SHQ1: variants seen among roughly 807,000 people sequenced by gnomAD.
SHQ1 encodes SHQ1, H/ACA ribonucleoprotein assembly factor, also known as protein SHQ1 homolog.
In SHQ1, 49 loss-of-function variants were observed where a neutral mutation model predicts 53.8. The observed-to-expected ratio is 0.91, with a 90% CI of 0.72 to 1.16. SHQ1 has a LOEUF of 1.16. Ranked by LOEUF, SHQ1 falls within the 50% of genes most tolerant of loss-of-function variation. The probability of loss-of-function intolerance (pLI) is 0.00; values close to 1 mark genes in which losing one functional copy is unlikely to be tolerated. For missense variants in SHQ1, 738 were observed against 683.1 expected, an observed-to-expected ratio of 1.08 and a Z score of -0.90; for synonymous variants, 243 against 251.0, an observed-to-expected ratio of 0.97 and a Z score of 0.30.
chr3:72,809,586 A>G (rs186946582), intron 9 of SHQ1: 1 of 152,324 alleles, frequency 6.6e-6, no homozygotes, highest in East Asian at 1.9e-4. Context: ...AATAAGATGT[A>G]GACAATACAC....
the SHQ1 span, among the ~76,000 whole-genome samples, chr3:72,726,120 T>C: frequency 6.6e-6 from 1 of 152,122 alleles, no homozygotes; most frequent in Non-Finnish European, 1.5e-5. Flanking sequence ...AGAAATGTAG[T>C]ACTATTATCA....
At chr3:72,755,302 A>G (rs187167612) in intron 10 of SHQ1, among the ~76,000 whole-genome samples, 305 of 150,214 alleles carry the variant, frequency 2.0e-3, no homozygotes, top group African/African-American at 7.4e-3. Context: ...ATGGATGGAT[A>G]GATGGATGGA....
At chr3:72,730,352 T>G in the SHQ1 span, among the ~76,000 whole-genome samples, 1 of 152,018 alleles carries the variant, frequency 6.6e-6, no homozygotes, top group African/African-American at 2.4e-5. Context: ...TGGCCTCAAG[T>G]GATCCCCTGC....
chr3:72,727,737 C>G, the SHQ1 span, among the ~76,000 whole-genome samples: 1 of 152,136 alleles, frequency 6.6e-6, no homozygotes, highest in African/African-American at 2.4e-5. Context: ...ATCTCTTGAG[C>G]CTGTTGAATC....
chr3:72,829,771 T>C (rs1039578475), intron 5 of SHQ1, among the ~76,000 whole-genome samples: 1 of 152,216 alleles, frequency 6.6e-6, no homozygotes, highest in Non-Finnish European at 1.5e-5. Context: ...CCTTTTCTTA[T>C]CTCACAGATG....
At chr3:72,816,727 T>A (rs935155016) in intron 7 of SHQ1, among the ~76,000 whole-genome samples, 2 of 152,206 alleles carry the variant, frequency 1.3e-5, no homozygotes, top group Non-Finnish European at 2.9e-5. Flanking sequence ...TTTTAAAAAA[T>A]CTGATTTACA....
chr3:72,776,742 A>C (rs1490021021), intron 10 of SHQ1, among the ~76,000 whole-genome samples: 1 of 152,218 alleles, frequency 6.6e-6, no homozygotes, highest in Non-Finnish European at 1.5e-5. Context: ...AGTCTCTCCA[A>C]ACTGATTAAC....
At chr3:72,775,294 T>C (rs1408534490) in intron 10 of SHQ1, among the ~76,000 whole-genome samples, 4 of 151,950 alleles carry the variant, frequency 2.6e-5, no homozygotes, top group African/African-American at 9.7e-5. Context: ...AAAACAACTC[T>C]ATGCCAGAAA....
At chr3:72,789,374 T>C (rs1467431657) in intron 10 of SHQ1, among the ~76,000 whole-genome samples, 1 of 152,218 alleles carries the variant, frequency 6.6e-6, no homozygotes, top group African/African-American at 2.4e-5. Flanking sequence ...TGGTCCATGC[T>C]ATCATTAGTG....
At chr3:72,770,110 G>A (rs1705814378) in intron 10 of SHQ1, among the ~76,000 whole-genome samples, 1 of 152,216 alleles carries the variant, frequency 6.6e-6, no homozygotes, top group Non-Finnish European at 1.5e-5. Context: ...TTCAGCCAAT[G>A]CTATTGTTAA....
At chr3:72,824,958 T>C (rs927568333) in intron 5 of SHQ1, among the ~76,000 whole-genome samples, 2 of 152,224 alleles carry the variant, frequency 1.3e-5, no homozygotes, top group African/African-American at 2.4e-5. Context: ...CATGCTACTG[T>C]GCCTGGCTAA....
chr3:72,734,325 C>G, the SHQ1 span, among the ~76,000 whole-genome samples: 1 of 151,050 alleles, frequency 6.6e-6, no homozygotes, highest in Non-Finnish European at 1.5e-5. Flanking sequence ...GATGTGATCT[C>G]GACTCACTAC....
At position 72,831,381 on chromosome 3, in the gene SHQ1, C is replaced by T. The variant is rs552145471; in HGVS notation, c.599+988G>A. Among the ~76,000 whole-genome samples the T allele has an allele frequency of 4.4e-4, 67 of 152,294 alleles. 2 individuals are homozygous for T. In the South Asian group the frequency reaches 0.01, roughly 24 times the overall value. Reference sequence around the variant, plus strand: ...AAATAGTGTACATGAAAAGGATATACAAAATGACAAATGGAGAGACTCTTT... The same window carrying T: ...AAATAGTGTACATGAAAAGGATATATAAAATGACAAATGGAGAGACTCTTT... On this transcript the variant is annotated intron_variant, in intron 5 of 10. Transcript: ENST00000325599.
At position 72,751,508 on chromosome 3, in the gene SHQ1, G is replaced by GTA. The variant is rs371779807; in HGVS notation, c.1182-674_1182-673dup. ...TGTGTGTGTGTGTGTGTGTGTGTGT[G>GTA]TATATATATATATATATATATACAT... On this transcript the variant is annotated intron_variant, in intron 10 of 10. Coordinates refer to ENST00000325599, the MANE Select transcript of SHQ1 (RefSeq NM_018130.3). Among the ~76,000 whole-genome samples, 145 of 116,980 alleles carry GTA rather than the reference G, an allele frequency of 1.2e-3. 5 individuals are homozygous for GTA. The highest frequency in any genetic ancestry group is 3.2e-3 in the African/African-American group (72 of 22,604). The allele number at this position is 116,980 out of a possible 152,430, so 76.7% of individuals were successfully genotyped here. A position where few individuals can be genotyped will look rare whatever the true frequency, so the allele number is the denominator to read the frequency against.
chr3:72,796,546 C>T (rs1380432060), intron 9 of SHQ1, among the ~76,000 whole-genome samples: 1 of 152,254 alleles, frequency 6.6e-6, no homozygotes, highest in East Asian at 1.9e-4. Context: ...ACAGGCAGGG[C>T]ATGGTGGCTC....
At chr3:72,747,348 GGGA>G (rs1705274865), downstream of SHQ1, among the ~76,000 whole-genome samples, 1 of 152,180 alleles carries the variant, frequency 6.6e-6, no homozygotes, top group Admixed American at 6.5e-5. Context: ...TGGATTAACA[GGGA>G]CCAGATTTAC....
chr3:72,742,619 C>CTTTTTTT, the SHQ1 span, among the ~76,000 whole-genome samples: 3 of 128,604 alleles, frequency 2.3e-5, no homozygotes, highest in South Asian at 2.5e-4. Flanking sequence ...TTCTTTTTTT[C>CTTTTTTT]TTTTTTTTTT....
At chr3:72,842,248 T>A in intron 3 of SHQ1, 32 bp downstream of exon 3, 2 of 1,606,810 alleles carry the variant, frequency 1.2e-6, no homozygotes, top group Non-Finnish European at 1.7e-6. Context: ...TTTCTATTTA[T>A]CCTAATTTCC....
intron 9 of SHQ1, among the ~76,000 whole-genome samples, chr3:72,802,728 T>C (rs1706825776): frequency 6.6e-6 from 1 of 152,162 alleles, no homozygotes; most frequent in Non-Finnish European, 1.5e-5. Flanking sequence ...TGCTGTTTGC[T>C]CCTTCCCTAT....
Sources: allele counts gnomAD v4.1 joint callset (sites outside exome capture counted in the v4.1 genomes callset), GRCh38; gene constraint gnomAD v4.1.1; transcripts MANE v1.5; gene names NCBI Gene and HGNC (gene_info 2026-07-23, HGNC 2026-07-21).